ZBTB4: variants seen among roughly 807,000 people sequenced by gnomAD.
The protein encoded by ZBTB4 is zinc finger and BTB domain containing 4.
A neutral mutation model predicts 59.8 loss-of-function variants in ZBTB4; 14 were observed. The ratio of observed to expected loss-of-function variants is 0.23; its 90% confidence interval spans 0.15 to 0.37. ZBTB4 has a LOEUF of 0.37. Among genes scored for constraint, ZBTB4 ranks in the 10% least tolerant of loss-of-function variants. The pLI is 1.00. For missense variants in ZBTB4, 1,198 were observed against 1,380.8 expected (o/e 0.87, Z 2.10); for synonymous variants, 587 against 575.2 (o/e 1.02, Z -0.29).
Position 7,463,100 on chromosome 17 carries a change from G to A in ZBTB4, c.1882C>T (p.Leu628=). The A allele has an allele frequency of 6.2e-7, 1 of 1,610,418 alleles. No homozygotes were observed. The change falls in exon 4 of 4, where the codon CTG becomes TTG. Residue 628 remains leucine (L), a synonymous_variant. Transcript: ENST00000380599. ...ISETDLRPGE[L]SGEEMEESEE... Reference sequence around the variant, plus strand: ...CTCTCCTCCATCTCCTCTCCGCTCAGCTCCCCAGGACGCAGGTCAGTCTCT... The same window carrying A: ...CTCTCCTCCATCTCCTCTCCGCTCAACTCCCCAGGACGCAGGTCAGTCTCT...
At chr17:7,482,575 CG>C, upstream of ZBTB4, 1 of 1,612,356 alleles carries the variant, frequency 6.2e-7, no homozygotes, top group South Asian at 1.1e-5. Flanking sequence ...GGCAGGCTTT[CG>C]TGGGAGGACT....
rs775355745 is a variant in ZBTB4 at position 7,462,867 on chromosome 17, C to T, written c.2115G>A (p.Arg705=). The change falls in exon 4 of 4, where the codon AGG becomes AGA. Residue 705 remains arginine (R), a synonymous_variant. Coordinates refer to ENST00000380599, the MANE Select transcript of ZBTB4 (RefSeq NM_001128833.2). The surrounding 1 kb of genome is among the most constrained non-coding windows in gnomAD (Gnocchi z 7.5). ...PPRWRQKLER[R]SWEETPAAES... is the part of the protein sequence containing the mutation. Reference sequence around the variant, plus strand: ...CGGCCGCTGGGGTTTCCTCCCAGCTCCTCCGTTCCAGCTTCTGCCTCCAAC... The same window carrying T: ...CGGCCGCTGGGGTTTCCTCCCAGCTTCTCCGTTCCAGCTTCTGCCTCCAAC... 6.2e-7 allele frequency: 1 copy of T among 1,605,988 alleles called. No individual in the cohort carries two copies. The highest frequency in any genetic ancestry group is 1.7e-5 in the Admixed American group (1 of 60,002).
rs756318026 is a variant in ZBTB4, at chr17:7,463,593, T to A, written c.1389A>T (p.Pro463=). 7 of 1,599,842 alleles carry A rather than the reference T, an allele frequency of 4.4e-6. No individual in the cohort carries two copies. In the South Asian group the frequency reaches 7.9e-5, roughly 18 times the overall value. Residue 463 remains proline, a synonymous_variant, in exon 4 of 4, where the codon CCA becomes CCT. Transcript: ENST00000380599. ...TGACAGAGGGTGGAGGGCCAGGCTC[T>A]GGGGCAGGTGGAGGCCCAGGCGGCG... The part of the protein sequence containing the change: ...ASPPPGPPPA[P]EPGPPPSVIT...
Position 7,466,471 on chromosome 17 carries a change from A to G in ZBTB4, c.331T>C (p.Ser111Pro). The G allele has an allele frequency of 6.2e-7, 1 of 1,606,578 alleles. No homozygotes were observed. The highest frequency in any genetic ancestry group is 8.5e-7 in the Non-Finnish European group (1 of 1,176,776). ...ASSSSSSSSS[S>P]PPPASPPASS... is the part of the protein sequence containing the mutation. ...GCAGGGGGAGAGGCTGGAGGGGGAG[A>G]GGAAGAGGAAGAGGAAGAAGAAGAA... Residue 111 changes from serine to proline, a missense_variant, in exon 3 of 4, where the codon TCT becomes CCT. Physicochemically the swap from Ser to Pro is moderately conservative, Grantham distance 74. Around this residue, in one of 9 missense-constraint regions of ZBTB4, gnomAD observed 83 missense variants for 76.5 expected, o/e 1.09. Transcript: ENST00000380599. The surrounding 1 kb of genome is among the most constrained non-coding windows in gnomAD (Gnocchi z 9.1).
chr17:7,475,512 C>T (rs1203118558), intron 1 of ZBTB4, among the ~76,000 whole-genome samples: 7 of 151,990 alleles, frequency 4.6e-5, no homozygotes, highest in East Asian at 3.9e-4. Context: ...AGCGCAGTGG[C>T]GTGATCTCGG....
chr17:7,462,371 G>A lies in ZBTB4; in HGVS notation c.2611C>T (p.Pro871Ser). 3 of 1,613,920 alleles carry A rather than the reference G, an allele frequency of 1.9e-6. No homozygotes were observed. Reference sequence around the variant, plus strand: ...AAGGCCAGTGGAAATTCCTGCACAGGTGGGTATACATAGCTGCCCCCGCTT... The same window carrying A: ...AAGGCCAGTGGAAATTCCTGCACAGATGGGTATACATAGCTGCCCCCGCTT... ...VASGGSYVYP[P>S]VQEFPLALIG... Residue 871 changes from proline (P) to serine (S), a missense_variant, in exon 4 of 4, where the codon CCT becomes TCT. Pro to Ser is a moderately conservative substitution (Grantham distance 74). Coordinates refer to ENST00000380599, the MANE Select transcript of ZBTB4 (RefSeq NM_001128833.2). The surrounding 1 kb of genome is among the most constrained non-coding windows in gnomAD (Gnocchi z 7.5).
chr17:7,471,117 T>A (rs2070192091), intron 1 of ZBTB4, among the ~76,000 whole-genome samples: 1 of 152,150 alleles, frequency 6.6e-6, no homozygotes, highest in Admixed American at 6.5e-5. Context: ...AGACACCCAA[T>A]GCTGGACTGG....
upstream of ZBTB4, among the ~76,000 whole-genome samples, chr17:7,479,862 C>A (rs888957989): frequency 1.3e-5 from 2 of 151,868 alleles, no homozygotes; most frequent in African/African-American, 4.8e-5. Context: ...CTGCAGCATC[C>A]CGGCAGGGGC....
upstream of ZBTB4, among the ~76,000 whole-genome samples, chr17:7,480,260 G>C (rs548502059): frequency 6.6e-6 from 1 of 152,256 alleles, no homozygotes; most frequent in East Asian, 1.9e-4. Flanking sequence ...CAGAGGCCTT[G>C]GTGTCGGCCT....
At position 7,466,344 on chromosome 17, in the gene ZBTB4, C is replaced by T; in HGVS notation, c.458G>A (p.Gly153Asp). 3 of 1,614,084 alleles carry T rather than the reference C, an allele frequency of 1.9e-6. No homozygotes were observed. The highest frequency in any genetic ancestry group is 1.7e-6 in the Non-Finnish European group (2 of 1,180,010). The change falls in exon 3 of 4, where the codon GGT becomes GAT. Residue 153 changes from glycine to aspartate, a missense_variant. Coordinates refer to ENST00000380599, the MANE Select transcript of ZBTB4 (RefSeq NM_001128833.2). This position sits in a 1 kb window ranked among gnomAD's most constrained non-coding sequence, Gnocchi z 9.1. Reference protein sequence around the residue: ...IYSARLALPGGGGDGAAVAEI... With the variant: ...IYSARLALPGDGGDGAAVAEI... ...TGCTACAGCTGCCCCGTCCCCTCCA[C>T]CACCAGGCAGTGCGAGCCGGGCGCT... is the stretch of plus-strand genomic sequence containing the variant.
In ZBTB4 at chr17:7,466,785, T is replaced by G; in HGVS notation, c.17A>C (p.Glu6Ala). Residue 6 changes from glutamate (E) to alanine (A), a missense_variant, in exon 3 of 4, where the codon GAG becomes GCG. This residue lies in a region of ZBTB4 where 44 missense variants were observed against 86.2 expected (regional missense o/e 0.51). Coordinates refer to ENST00000380599, the MANE Select transcript of ZBTB4 (RefSeq NM_001128833.2). This position sits in a 1 kb window ranked among gnomAD's most constrained non-coding sequence, Gnocchi z 9.1. MPPPA[E>A]VTDPSHAPAV... The stretch of plus-strand genomic sequence containing the variant: ...GGGGGCATGGGACGGGTCCGTCACC[T>G]CTGCAGGGGGGGGCATGGTGCCAGC... 4 of 1,569,028 alleles carry G rather than the reference T, an allele frequency of 2.5e-6. No homozygotes were observed. Among genetic ancestry groups the G allele is most frequent in the Non-Finnish European group, 3.5e-6 (4 of 1,159,002 alleles).
At position 7,464,431 on chromosome 17, in the gene ZBTB4, G is replaced by GAAAAAAAAAAAAAAAAAAA. The variant is rs55956412; in HGVS notation, c.1092-560_1092-542dup. ...ACAGAGTGAGACTCTGTCAAAAAAA[G>GAAAAAAAAAAAAAAAAAAA]AAAAAAAAAAAAAAAAAAAAACCTC... On this transcript the variant is annotated intron_variant, in intron 3 of 3. Coordinates refer to ENST00000380599, the MANE Select transcript of ZBTB4 (RefSeq NM_001128833.2). 7.3e-5 allele frequency among the ~76,000 whole-genome samples: 7 copies of GAAAAAAAAAAAAAAAAAAA among 96,182 alleles called. 1 individual carries two copies. The highest frequency in any genetic ancestry group is 7.8e-5 in the Non-Finnish European group (4 of 51,104). 63.1% of individuals were successfully genotyped at this position (96,182 alleles called of 152,430 possible). A position where few individuals can be genotyped will look rare whatever the true frequency, so the allele number is the denominator to read the frequency against.
chr17:7,479,268 A>G (rs1369633127), intron 1 of ZBTB4, among the ~76,000 whole-genome samples, 188 bp downstream of exon 1: 2 of 149,990 alleles, frequency 1.3e-5, no homozygotes, highest in African/African-American at 4.9e-5. Context: ...GTCGCCCCCC[A>G]GCGTCGTGCG....
rs1028948098 is a variant in ZBTB4, at chr17:7,459,986, G to A, written c.*1954C>T. ...CAGGCCTTCCTCAGTCTCTCTTGTGGTTCCGCTGTATAGATAGATAGATAT... is the reference window on the plus strand; with the variant it reads ...CAGGCCTTCCTCAGTCTCTCTTGTGATTCCGCTGTATAGATAGATAGATAT... On this transcript the variant is annotated 3_prime_UTR_variant, in exon 4 of 4. Transcript: ENST00000380599. 6.6e-6 allele frequency: 1 copy of A among 152,416 alleles called. No individual in the cohort carries two copies. Among genetic ancestry groups the A allele is most frequent in the Non-Finnish European group, 1.5e-5 (1 of 68,030 alleles). 9.4% of individuals were successfully genotyped at this position (152,416 alleles called of 1,614,324 possible).
Position 7,466,240 on chromosome 17 carries a change from G to A in ZBTB4, c.562C>T (p.Pro188Ser), listed in dbSNP as rs17854296. 2 of 1,613,380 alleles carry A rather than the reference G, an allele frequency of 1.2e-6. No individual in the cohort carries two copies. Among genetic ancestry groups the A allele is most frequent in the East Asian group, 2.2e-5 (1 of 44,872 alleles). The change falls in exon 3 of 4, where the codon CCT becomes TCT. Residue 188 changes from proline (P) to serine (S), a missense_variant. Coordinates refer to ENST00000380599, the MANE Select transcript of ZBTB4 (RefSeq NM_001128833.2). This position sits in a 1 kb window ranked among gnomAD's most constrained non-coding sequence, Gnocchi z 9.1. ...GAGGTGGCCATGGGGGCTGGGGTAG[G>A]AGGTACCCAGGCATCACCTCCCTCC... Reference protein sequence around the residue: ...LGEGGDAWVPPTPAPMATSQP... With the variant: ...LGEGGDAWVPSTPAPMATSQP...
At chr17:7,482,411 G>A (rs1469232775), upstream of ZBTB4, 26 of 1,613,980 alleles carry the variant, frequency 1.6e-5, no homozygotes, top group Middle Eastern at 1.7e-4. Flanking sequence ...CGTCTGCTCC[G>A]CCGTCCTCAC....
rs1368413529 is a variant in ZBTB4, at chr17:7,466,539, G to A, written c.263C>T (p.Ser88Phe). ...PATTTAASSS[S>F]SSSSSSSSSS... ...AGAGGAAGAAGACGAGGAAGAGGAG[G>A]AGGAGGAAGAGGCAGCTGTGGTGGT... The change falls in exon 3 of 4, where the codon TCC becomes TTC. Residue 88 changes from serine (S) to phenylalanine (F), a missense_variant. By Grantham distance (155) the Ser-to-Phe change is radical (BLOSUM62 -2). Around this residue, in one of 9 missense-constraint regions of ZBTB4, gnomAD observed 83 missense variants for 76.5 expected, o/e 1.09. Coordinates refer to ENST00000380599, the MANE Select transcript of ZBTB4 (RefSeq NM_001128833.2). The surrounding 1 kb of genome is among the most constrained non-coding windows in gnomAD (Gnocchi z 9.1). The A allele has an allele frequency of 1.2e-6, 2 of 1,612,694 alleles. No homozygotes were observed. Among genetic ancestry groups the A allele is most frequent in the South Asian group, 1.1e-5 (1 of 90,868 alleles).
chr17:7,467,549 G>C (rs1399025221), intron 1 of ZBTB4, among the ~76,000 whole-genome samples: 1 of 152,184 alleles, frequency 6.6e-6, no homozygotes, highest in Non-Finnish European at 1.5e-5. Flanking sequence ...GATTATTGCA[G>C]AGCCTTGTTC....
chr17:7,469,722 G>A lies in ZBTB4; in HGVS notation c.-80-2395C>T, dbSNP rs191380033. Among the ~76,000 whole-genome samples, 154 of 151,616 alleles carry A rather than the reference G, an allele frequency of 1.0e-3. 1 individual carries two copies. The East Asian group carries it at 0.026, about 25-fold the overall frequency. The stretch of plus-strand genomic sequence containing the variant: ...AGAGGCTGCAGTGAGCCGAGATCGC[G>A]CTGGATGGAGATCAATCCAGGCTGG... On this transcript the variant is annotated intron_variant, in intron 1 of 3. Transcript: ENST00000380599.
Sources: gnomAD v4.1 joint callset for allele counts (sites outside exome capture counted in the v4.1 genomes callset) on GRCh38, gnomAD v4.1.1 for gene constraint, gnomAD v4.1.1 regional missense constraint, Gnocchi (gnomAD v3.1) non-coding constraint, MANE v1.5 for transcripts, NCBI Gene and HGNC (gene_info 2026-07-23, HGNC 2026-07-21) for gene names.